Variants in FSTL4 observed in about 807,000 individuals in gnomAD.
FSTL4 encodes follistatin-related protein 4.
In FSTL4, 28 loss-of-function variants were observed where a neutral mutation model predicts 78.2. That is an observed-to-expected ratio of 0.36 (90% CI 0.27 to 0.49). The LOEUF (loss-of-function observed/expected upper bound fraction) is 0.49. Among genes scored for constraint, FSTL4 ranks in the 20% least tolerant of loss-of-function variants. FSTL4 has a pLI of 0.98. For synonymous variants in FSTL4, 422 were observed against 440.5 expected (o/e 0.96, Z 0.53); for missense variants, 922 against 1,084.9 (o/e 0.85, Z 2.11).
At chr5:133,707,983 T>C in the FSTL4 span, among the ~76,000 whole-genome samples, 5 of 151,902 alleles carry the variant, frequency 3.3e-5, no homozygotes, top group East Asian at 1.9e-4. Context: ...AATTCGTCTA[T>C]GGATTCCTTG....
At chr5:133,657,905 T>C in the FSTL4 span, among the ~76,000 whole-genome samples, 1 of 151,982 alleles carries the variant, frequency 6.6e-6, no homozygotes. Context: ...GAAATAACAT[T>C]TTAAAAAATT....
At chr5:133,421,912 G>T (rs1330726337) in intron 3 of FSTL4, among the ~76,000 whole-genome samples, 5 of 152,214 alleles carry the variant, frequency 3.3e-5, no homozygotes, top group Non-Finnish European at 7.3e-5. Context: ...GGCGGGAAGT[G>T]ATAAGTACCA....
chr5:133,793,582 C>T, the FSTL4 span, among the ~76,000 whole-genome samples: 1,778 of 152,370 alleles, frequency 0.012, 41 homozygotes, highest in African/African-American at 0.04. Context: ...GTCAGGAGTT[C>T]GTGTTTTTCA....
chr5:133,785,318 G>C, the FSTL4 span, among the ~76,000 whole-genome samples: 1 of 152,170 alleles, frequency 6.6e-6, no homozygotes, highest in Non-Finnish European at 1.5e-5. Context: ...AATTCAAAAA[G>C]GCACCTATAG....
intron 6 of FSTL4, among the ~76,000 whole-genome samples, chr5:133,285,348 C>A (rs887891118): frequency 6.6e-6 from 1 of 152,166 alleles, no homozygotes; most frequent in East Asian, 1.9e-4. Context: ...AGTGTCCTGG[C>A]AGAATGAGGG....
intron 6 of FSTL4, among the ~76,000 whole-genome samples, chr5:133,271,291 TAATGGAATTCC>T (rs1177430534): frequency 1.3e-5 from 2 of 152,246 alleles, no homozygotes; most frequent in Non-Finnish European, 2.9e-5. Flanking sequence ...GCCATCGGCT[TAATGGAATTCC>T]ACTGTGTTAT....
chr5:133,214,877 T>C (rs570137808), intron 13 of FSTL4, among the ~76,000 whole-genome samples: 88 of 152,334 alleles, frequency 5.8e-4, no homozygotes, highest in African/African-American at 2.1e-3. Flanking sequence ...TCACCTACTT[T>C]AAAAAGTTCT....
chr5:133,446,812 G>A (rs1392935762), intron 3 of FSTL4, among the ~76,000 whole-genome samples: 2 of 152,076 alleles, frequency 1.3e-5, no homozygotes, highest in Non-Finnish European at 2.9e-5. Context: ...GCCTCTCCCC[G>A]GTCCTCCCCA....
At chr5:133,348,354 G>A (rs1754745688) in intron 4 of FSTL4, among the ~76,000 whole-genome samples, 1 of 152,232 alleles carries the variant, frequency 6.6e-6, no homozygotes. Context: ...AGGAATTTCA[G>A]AGCTAGTTTT....
intron 3 of FSTL4, among the ~76,000 whole-genome samples, chr5:133,561,167 C>G (rs1187386000): frequency 6.6e-6 from 1 of 150,894 alleles, no homozygotes; most frequent in Non-Finnish European, 1.5e-5. Context: ...CAATAGGCCA[C>G]AACATCCAGA....
chr5:133,835,970 T>A, the FSTL4 span, among the ~76,000 whole-genome samples: 3 of 152,232 alleles, frequency 2.0e-5, no homozygotes, highest in Non-Finnish European at 4.4e-5. Context: ...TTTTTATCTC[T>A]GGTAATGATT....
upstream of FSTL4, among the ~76,000 whole-genome samples, chr5:133,612,935 C>T (rs1365000517): frequency 6.6e-6 from 1 of 152,188 alleles, no homozygotes; most frequent in African/African-American, 2.4e-5. The surrounding 1 kb of genome is among the most constrained non-coding windows in gnomAD (Gnocchi z 6.2). Context: ...GAGAGCTGTC[C>T]CTGGGGACAA....
chr5:133,581,755 C>G (rs1760415438), intron 2 of FSTL4, among the ~76,000 whole-genome samples: 3 of 152,360 alleles, frequency 2.0e-5, no homozygotes, highest in South Asian at 4.1e-4. Flanking sequence ...ATCACAATCT[C>G]TGGGGGTGGG....
chr5:133,688,056 C>T, the FSTL4 span, among the ~76,000 whole-genome samples: 7,019 of 152,292 alleles, frequency 0.046, 530 homozygotes, highest in African/African-American at 0.16. Flanking sequence ...TTGGCCGGAA[C>T]TCAGTTAACT....
chr5:133,601,795 C>T (rs1487437718), intron 2 of FSTL4, among the ~76,000 whole-genome samples: 1 of 151,614 alleles, frequency 6.6e-6, no homozygotes, highest in Non-Finnish European at 1.5e-5. Flanking sequence ...GTGGTACTGC[C>T]ACCTCAGCCT....
chr5:133,423,149 T>C (rs1240409510), intron 3 of FSTL4, among the ~76,000 whole-genome samples: 1 of 152,246 alleles, frequency 6.6e-6, no homozygotes, highest in Non-Finnish European at 1.5e-5. Context: ...AGGTTGGAGC[T>C]GGCCCGCTGG....
chr5:133,351,148 C>T (rs1233772546), intron 4 of FSTL4, among the ~76,000 whole-genome samples: 1 of 152,160 alleles, frequency 6.6e-6, no homozygotes, highest in Non-Finnish European at 1.5e-5. Context: ...ATACCTGAGC[C>T]CTTCTCGTAG....
the FSTL4 span, among the ~76,000 whole-genome samples, chr5:133,820,414 G>GTT: frequency 6.6e-6 from 1 of 152,096 alleles, no homozygotes; most frequent in East Asian, 1.9e-4. Context: ...ATTCTTCCTG[G>GTT]TTACAACATT....
chr5:133,487,855 C>T (rs566748535), intron 3 of FSTL4, among the ~76,000 whole-genome samples: 30 of 152,210 alleles, frequency 2.0e-4, no homozygotes, highest in Admixed American at 1.6e-3. Context: ...TAAAATCCTG[C>T]AGACACCGGG....
Sources: allele counts gnomAD v4.1 joint callset (sites outside exome capture counted in the v4.1 genomes callset), GRCh38; gene constraint gnomAD v4.1.1; non-coding constraint Gnocchi (gnomAD v3.1); transcripts MANE v1.5; gene names NCBI Gene and HGNC (gene_info 2026-07-23, HGNC 2026-07-21).